Variants in NCAM2 observed in about 807,000 individuals in gnomAD.
NCAM2 encodes N-CAM-2.
A neutral mutation model predicts 98.1 loss-of-function variants in NCAM2; 30 were observed. The observed-to-expected ratio is 0.31, with a 90% CI of 0.23 to 0.41. NCAM2 has a LOEUF of 0.41. NCAM2 is among the 10% of genes least tolerant of loss of function. NCAM2 has a pLI of 1.00. For synonymous variants in NCAM2, 368 were observed against 342.4 expected (o/e 1.07, Z -0.83); for missense variants, 867 against 1,005.8 (o/e 0.86, Z 1.87).
chr21:21,387,612 A>G (rs921779798), intron 9 of NCAM2, among the ~76,000 whole-genome samples: 1 of 152,214 alleles, frequency 6.6e-6, no homozygotes, highest in Admixed American at 6.5e-5. Flanking sequence ...ACATTGGTTA[A>G]TTCATTTAAA....
At chr21:21,442,720 A>T (rs942692334) in intron 12 of NCAM2, among the ~76,000 whole-genome samples, 1 of 152,178 alleles carries the variant, frequency 6.6e-6, no homozygotes, top group African/African-American at 2.4e-5. Flanking sequence ...TTATTTACAT[A>T]TTAGTATATA....
rs571610478 is a variant in NCAM2 at position 21,262,159 on chromosome 21, A to T, written c.56-18419A>T. ...ACAACCTTCCAAGAATGAACCAGGAAGAAGTAGAAACTCTGAACAGAACAA... is the reference window on the plus strand; with the variant it reads ...ACAACCTTCCAAGAATGAACCAGGATGAAGTAGAAACTCTGAACAGAACAA... On this transcript the variant is annotated intron_variant, in intron 1 of 17. Transcript: ENST00000400546. 4.6e-5 allele frequency among the ~76,000 whole-genome samples: 7 copies of T among 152,286 alleles called. No individual in the cohort carries two copies. The South Asian group carries it at 1.4e-3, about 32-fold the overall frequency.
intron 1 of NCAM2, among the ~76,000 whole-genome samples, chr21:21,280,342 A>C (rs1316656335): frequency 6.6e-6 from 1 of 152,170 alleles, no homozygotes; most frequent in Non-Finnish European, 1.5e-5. Context: ...TGACTAACAG[A>C]ATTTCAGACT....
chr21:21,268,381 A>G (rs1427077301), intron 1 of NCAM2, among the ~76,000 whole-genome samples: 2 of 151,854 alleles, frequency 1.3e-5, no homozygotes, highest in Non-Finnish European at 2.9e-5. Context: ...ACCCAACAAC[A>G]TGACACTGCT....
chr21:21,159,818 T>A (rs1264158945), intron 1 of NCAM2, among the ~76,000 whole-genome samples: 1 of 152,078 alleles, frequency 6.6e-6, no homozygotes, highest in East Asian at 1.9e-4. Context: ...ATTGTGTATG[T>A]GTGTGGTATT....
At chr21:21,375,220 A>C (rs71321788) in intron 9 of NCAM2, among the ~76,000 whole-genome samples, 1 of 148,176 alleles carries the variant, frequency 6.7e-6, no homozygotes, top group Non-Finnish European at 1.5e-5. Context: ...AAAAACAAAA[A>C]CAAAAAAAAA....
intron 8 of NCAM2, among the ~76,000 whole-genome samples, chr21:21,373,275 T>C (rs1401446905): frequency 6.6e-6 from 1 of 151,908 alleles, no homozygotes; most frequent in East Asian, 1.9e-4. Context: ...AAGACTTTAG[T>C]AAAAGCAACT....
intron 15 of NCAM2, among the ~76,000 whole-genome samples, chr21:21,492,853 A>C (rs1163012743): frequency 6.6e-6 from 1 of 151,960 alleles, no homozygotes; most frequent in Non-Finnish European, 1.5e-5. Flanking sequence ...AATGTGGTTA[A>C]ATAAAAAATA....
intron 9 of NCAM2, among the ~76,000 whole-genome samples, chr21:21,392,816 T>A (rs1357231483): frequency 6.6e-6 from 1 of 152,204 alleles, no homozygotes; most frequent in East Asian, 1.9e-4. Flanking sequence ...TCTTGTAAAT[T>A]TGTTTAAGTT....
chr21:21,128,704 G>T (rs2066876598), intron 1 of NCAM2, among the ~76,000 whole-genome samples: 1 of 152,092 alleles, frequency 6.6e-6, no homozygotes, highest in Non-Finnish European at 1.5e-5. Flanking sequence ...ATTGGGCTTT[G>T]TAAGGCAAGA....
At position 21,466,608 on chromosome 21, in the gene NCAM2, A is replaced by G. The variant is rs1417213151; in HGVS notation, c.1657A>G (p.Met553Val). The change falls in exon 13 of 18, where the codon ATG becomes GTG. Residue 553 changes from methionine (M) to valine (V), a missense_variant and splice_region_variant. Met to Val is a conservative substitution (Grantham distance 21). This residue lies in a region of NCAM2 where 234 missense variants were observed against 333.8 expected (regional missense o/e 0.70). Coordinates refer to ENST00000400546, the MANE Select transcript of NCAM2 (RefSeq NM_004540.5). ...GTTTTGTTTTGTTTTTCTTCTAGCA[A>G]TGGTTGTTTTGAACAACCTGGAACC... ...KIVRSHGVQTMVVLNNLEPNT... is the reference protein window; with the variant it reads ...KIVRSHGVQTVVVLNNLEPNT... 3.2e-6 allele frequency: 5 copies of G among 1,582,708 alleles called. No homozygotes were observed. The Admixed American group carries it at 7.2e-5, about 23-fold the overall frequency.
At chr21:21,023,352 C>T (rs1425975892) in intron 1 of NCAM2, among the ~76,000 whole-genome samples, 1 of 151,842 alleles carries the variant, frequency 6.6e-6, no homozygotes, top group African/African-American at 2.4e-5. Context: ...GGTGGAATCC[C>T]GTCTCTACTA....
chr21:21,241,919 C>T (rs2071082483), intron 1 of NCAM2, among the ~76,000 whole-genome samples: 1 of 152,040 alleles, frequency 6.6e-6, no homozygotes, highest in Non-Finnish European at 1.5e-5. Context: ...TAAAAATTGG[C>T]TCTAGCTAGA....
At chr21:21,314,090 A>G (rs2074141881) in intron 5 of NCAM2, among the ~76,000 whole-genome samples, 2 of 152,090 alleles carry the variant, frequency 1.3e-5, no homozygotes, top group Non-Finnish European at 2.9e-5. Flanking sequence ...ATAGTGTGAC[A>G]TATTTCTCAG....
At chr21:21,152,506 A>C (rs1204923090) in intron 1 of NCAM2, among the ~76,000 whole-genome samples, 1 of 151,848 alleles carries the variant, frequency 6.6e-6, no homozygotes, top group Non-Finnish European at 1.5e-5. Flanking sequence ...TTTTCCTTTA[A>C]AGCAGATTGT....
At chr21:21,485,555 CTT>C (rs1986277628) in intron 15 of NCAM2, among the ~76,000 whole-genome samples, 1 of 152,104 alleles carries the variant, frequency 6.6e-6, no homozygotes, top group Admixed American at 6.6e-5. Flanking sequence ...GATTTTTGGT[CTT>C]TGCAAATTTT....
chr21:21,368,065 T>A (rs570020207), intron 8 of NCAM2, among the ~76,000 whole-genome samples: 33 of 152,000 alleles, frequency 2.2e-4, no homozygotes, highest in African/African-American at 7.7e-4. Context: ...TAAAGCTTTA[T>A]TATCATAATA....
intron 12 of NCAM2, 59 bp from the exon 13 acceptor site, chr21:21,466,547 C>A: frequency 8.3e-7 from 1 of 1,202,656 alleles, no homozygotes; most frequent in Non-Finnish European, 1.1e-6. Context: ...TAAAATGTGT[C>A]CAATTAGATA....
At chr21:21,064,211 C>T (rs534868566) in intron 1 of NCAM2, among the ~76,000 whole-genome samples, 1 of 152,300 alleles carries the variant, frequency 6.6e-6, no homozygotes, top group South Asian at 2.1e-4. Flanking sequence ...ATGCCAGCCA[C>T]TGAGGGCGTG....
Sources: allele counts gnomAD v4.1 joint callset (sites outside exome capture counted in the v4.1 genomes callset), GRCh38; gene constraint gnomAD v4.1.1; regional missense constraint gnomAD v4.1.1; transcripts MANE v1.5; gene names NCBI Gene and HGNC (gene_info 2026-07-23, HGNC 2026-07-21).